The following LEKR1 variants were observed in gnomAD, a reference collection of about 807,000 sequenced individuals.
The protein encoded by LEKR1 is protein LEKR1.
LEKR1 carries 59 observed loss-of-function variants against 72.4 expected under a neutral mutation model. The observed-to-expected ratio is 0.82, with a 90% CI of 0.66 to 1.01. The LOEUF is 1.01. LEKR1 is among the 50% of genes least tolerant of loss of function. The pLI is 0.00. For missense variants in LEKR1, 728 were observed against 759.2 expected (o/e 0.96, Z 0.48); for synonymous variants, 257 against 263.2 (o/e 0.98, Z 0.23).
At chr3:156,970,069 A>G (rs7373815) in intron 6 of LEKR1, among the ~76,000 whole-genome samples, 77,170 of 152,074 alleles carry the variant, frequency 0.51, 21,261 homozygotes, top group East Asian at 0.73. Flanking sequence ...ACAAAATTCA[A>G]CAACCTTCAT....
At chr3:156,982,907 A>AG in intron 7 of LEKR1, among the ~76,000 whole-genome samples, 1 of 141,494 alleles carries the variant, frequency 7.1e-6, no homozygotes, top group African/African-American at 2.5e-5. Context: ...AGATAGATAG[A>AG]TGGAAGAGCT....
chr3:156,845,538 T>A (rs9858158), intron 2 of LEKR1, among the ~76,000 whole-genome samples: 64,325 of 150,378 alleles, frequency 0.43, 15,851 homozygotes, highest in East Asian at 0.72. Context: ...GTTCCTTTTT[T>A]AAAAAAAAAA....
chr3:156,946,854 A>G (rs955243428), intron 6 of LEKR1, among the ~76,000 whole-genome samples: 3 of 151,140 alleles, frequency 2.0e-5, no homozygotes, highest in African/African-American at 2.4e-5. Context: ...GAATTTATTC[A>G]TTTCTTCTAG....
intron 2 of LEKR1, among the ~76,000 whole-genome samples, chr3:156,847,774 T>C (rs1424682194): frequency 1.3e-5 from 2 of 152,228 alleles, no homozygotes; most frequent in Non-Finnish European, 2.9e-5. Context: ...GGACCTATTA[T>C]TTTAAAATCA....
intron 2 of LEKR1, among the ~76,000 whole-genome samples, chr3:156,848,039 G>T (rs919626527): frequency 2.6e-5 from 4 of 152,154 alleles, no homozygotes; most frequent in African/African-American, 7.2e-5. Flanking sequence ...AGGACACTTT[G>T]CCAGGAGCAG....
chr3:156,903,942 G>T (rs186760496), intron 3 of LEKR1, among the ~76,000 whole-genome samples: 2 of 152,306 alleles, frequency 1.3e-5, no homozygotes, highest in Non-Finnish European at 2.9e-5. Flanking sequence ...CTTATGATTG[G>T]TTGAAGCTAG....
chr3:156,975,407 C>T (rs1408118802), intron 6 of LEKR1, among the ~76,000 whole-genome samples: 1 of 152,098 alleles, frequency 6.6e-6, no homozygotes, highest in Non-Finnish European at 1.5e-5. Flanking sequence ...CACTTTGAAC[C>T]AGATTTTTAA....
rs1452383220 is a variant in LEKR1 at position 156,995,688 on chromosome 3, C to T, written c.1109+2411C>T. 5.3e-5 allele frequency among the ~76,000 whole-genome samples: 8 copies of T among 152,038 alleles called. No homozygotes were observed. The South Asian group carries it at 6.2e-4, about 12-fold the overall frequency. ...CTCTACTAAAACTACCAAAATTAGC[C>T]GGGCATGGGGGCTCATGCCTATAAT... On this transcript the variant is annotated intron_variant, in intron 9 of 12. Transcript: ENST00000356539.
intron 6 of LEKR1, among the ~76,000 whole-genome samples, chr3:156,954,230 T>C (rs1324853780): frequency 6.6e-6 from 1 of 152,030 alleles, no homozygotes; most frequent in African/African-American, 2.4e-5. Context: ...TCCTTGTACA[T>C]TTTTTTAAGT....
chr3:157,011,809 A>G (rs1477336611), intron 10 of LEKR1, among the ~76,000 whole-genome samples: 2 of 152,106 alleles, frequency 1.3e-5, no homozygotes, highest in Non-Finnish European at 2.9e-5. Flanking sequence ...ATCACAATCT[A>G]CATTTGATCA....
At chr3:156,831,828 A>G (rs1489089234) in intron 2 of LEKR1, among the ~76,000 whole-genome samples, 1 of 152,210 alleles carries the variant, frequency 6.6e-6, no homozygotes, top group Non-Finnish European at 1.5e-5. Context: ...GGGCACAGCC[A>G]AACCATATCA....
chr3:156,869,783 G>T (rs1021611358), intron 3 of LEKR1, among the ~76,000 whole-genome samples: 2 of 151,902 alleles, frequency 1.3e-5, no homozygotes, highest in South Asian at 4.1e-4. Flanking sequence ...TCTCTGCCTA[G>T]ATCAATGTCC....
chr3:156,976,270 A>G (rs961737918), intron 6 of LEKR1, among the ~76,000 whole-genome samples: 1 of 152,154 alleles, frequency 6.6e-6, no homozygotes, highest in Non-Finnish European at 1.5e-5. Context: ...ATTACATATC[A>G]AGTACCAGTT....
chr3:156,834,112 A>G (rs1712802248), intron 2 of LEKR1, among the ~76,000 whole-genome samples: 1 of 152,106 alleles, frequency 6.6e-6, no homozygotes, highest in Non-Finnish European at 1.5e-5. Context: ...ATTTTCCTAA[A>G]CATCCCCCCA....
At chr3:157,007,345 A>G (rs892650312) in intron 9 of LEKR1, among the ~76,000 whole-genome samples, 1 of 152,248 alleles carries the variant, frequency 6.6e-6, no homozygotes. Context: ...TGGCCAACCC[A>G]GATAATGAAA....
intron 3 of LEKR1, among the ~76,000 whole-genome samples, chr3:156,909,218 C>G (rs1414288324): frequency 6.6e-6 from 1 of 152,150 alleles, no homozygotes; most frequent in Non-Finnish European, 1.5e-5. Flanking sequence ...GTAAATTACC[C>G]AGTCTTGAGT....
intron 9 of LEKR1, among the ~76,000 whole-genome samples, chr3:156,994,677 G>A (rs997056210): frequency 6.6e-6 from 1 of 152,164 alleles, no homozygotes; most frequent in Non-Finnish European, 1.5e-5. Context: ...ATATGCTAAC[G>A]TATATAGTCA....
At chr3:156,963,362 G>C (rs1297033986) in intron 6 of LEKR1, among the ~76,000 whole-genome samples, 1 of 152,146 alleles carries the variant, frequency 6.6e-6, no homozygotes, top group East Asian at 1.9e-4. Context: ...TACACACACA[G>C]ACACTTTTAC....
intron 3 of LEKR1, among the ~76,000 whole-genome samples, chr3:156,877,943 C>T (rs561327447): frequency 7.4e-4 from 112 of 151,996 alleles, no homozygotes; most frequent in Admixed American, 2.3e-3. Flanking sequence ...CCACCACGCC[C>T]GGCTAATTTT....
Sources: gnomAD v4.1 joint callset for allele counts (sites outside exome capture counted in the v4.1 genomes callset) on GRCh38, gnomAD v4.1.1 for gene constraint, MANE v1.5 for transcripts, NCBI Gene and HGNC (gene_info 2026-07-23, HGNC 2026-07-21) for gene names.